The following MTSS1 variants were observed in gnomAD, a reference collection of about 807,000 sequenced individuals.
The protein encoded by MTSS1 is protein MTSS 1.
MTSS1 carries 18 observed loss-of-function variants against 79.0 expected under a neutral mutation model. The ratio of observed to expected loss-of-function variants is 0.23; its 90% CI spans 0.16 to 0.34. The LOEUF is 0.34. Ranked by LOEUF, MTSS1 falls within the 10% of genes least tolerant of loss-of-function variation. The pLI is 1.00. For missense variants in MTSS1, 815 were observed against 986.2 expected, an observed-to-expected ratio of 0.83 and a Z score of 2.33; for synonymous variants, 341 against 368.6, an observed-to-expected ratio of 0.93 and a Z score of 0.86.
At chr8:124,632,348 T>C (rs1587444917) in intron 3 of MTSS1, among the ~76,000 whole-genome samples, 1 of 143,232 alleles carries the variant, frequency 7.0e-6, no homozygotes, top group Admixed American at 6.9e-5. Flanking sequence ...CATACATAGG[T>C]CAGTAAAAAA....
At position 124,720,364 on chromosome 8, in the gene MTSS1, A is replaced by G. The variant is rs114306735; in HGVS notation, c.72+7520T>C. On this transcript the variant is annotated intron_variant, in intron 1 of 13. Coordinates refer to ENST00000518547, the MANE Select transcript of MTSS1 (RefSeq NM_014751.6). ...ACCCAGATGTGGCCAAGACTTGGGA[A>G]GCTGCTGCCACAGGGCAGACTAGAG... is the stretch of plus-strand genomic sequence containing the variant. Among the ~76,000 whole-genome samples the G allele has an allele frequency of 9.2e-3, 1,394 of 152,328 alleles. 18 individuals carry two copies. The highest frequency in any genetic ancestry group is 0.031 in the African/African-American group (1,300 of 41,564).
At chr8:124,676,168 T>C (rs1386640115) in intron 3 of MTSS1, among the ~76,000 whole-genome samples, 35 of 152,228 alleles carry the variant, frequency 2.3e-4, no homozygotes. Context: ...AAAAAGGTAT[T>C]GATTAATAAT....
intron 3 of MTSS1, among the ~76,000 whole-genome samples, chr8:124,639,716 G>A (rs529355257): frequency 9.1e-4 from 139 of 152,132 alleles, no homozygotes; most frequent in Non-Finnish European, 1.3e-4. Flanking sequence ...TGCCTGCTTC[G>A]ACCTCCCAAA....
chr8:124,639,280 G>A (rs1473282729), intron 3 of MTSS1, among the ~76,000 whole-genome samples: 2 of 152,200 alleles, frequency 1.3e-5, no homozygotes, highest in Non-Finnish European at 2.9e-5. Context: ...AGAGGTTGCA[G>A]TGAGCCAAGA....
At chr8:124,659,178 T>C (rs1821538832) in intron 3 of MTSS1, among the ~76,000 whole-genome samples, 1 of 152,142 alleles carries the variant, frequency 6.6e-6, no homozygotes, top group Non-Finnish European at 1.5e-5. Context: ...TTCGATGAAA[T>C]GAATAATGCA....
intron 3 of MTSS1, among the ~76,000 whole-genome samples, chr8:124,614,108 G>A (rs1285723446): frequency 1.4e-5 from 2 of 145,310 alleles, no homozygotes; most frequent in Non-Finnish European, 3.0e-5. Flanking sequence ...AGGCTGTAAT[G>A]AGCCATGATC....
At chr8:124,618,079 C>T (rs1213042425) in intron 3 of MTSS1, among the ~76,000 whole-genome samples, 2 of 152,178 alleles carry the variant, frequency 1.3e-5, no homozygotes, top group Non-Finnish European at 2.9e-5. Flanking sequence ...CCTATAATAA[C>T]ATTCTCAAGA....
chr8:124,605,968 T>C (rs1834772757), intron 3 of MTSS1, among the ~76,000 whole-genome samples: 1 of 132,108 alleles, frequency 7.6e-6, no homozygotes, highest in South Asian at 2.5e-4. Context: ...ATCTCATTTT[T>C]TTTTTTTTTT....
intron 1 of MTSS1, among the ~76,000 whole-genome samples, chr8:124,724,487 C>G (rs1588011771): frequency 6.6e-6 from 1 of 152,168 alleles, no homozygotes; most frequent in Non-Finnish European, 1.5e-5. Flanking sequence ...TACTCCTAAC[C>G]TCGTACAAAG....
intron 3 of MTSS1, among the ~76,000 whole-genome samples, chr8:124,607,484 A>G (rs761535385): frequency 6.6e-6 from 1 of 152,224 alleles, no homozygotes; most frequent in Non-Finnish European, 1.5e-5. Flanking sequence ...GTTTTTAAAA[A>G]AGGAATTGAA....
intron 2 of MTSS1, among the ~76,000 whole-genome samples, chr8:124,703,294 A>T (rs1230823689): frequency 6.6e-6 from 1 of 152,016 alleles, no homozygotes; most frequent in African/African-American, 2.4e-5. Flanking sequence ...TTATTTTATT[A>T]TTATTATTTT....
In MTSS1 at chr8:124,711,104, A is replaced by G. The variant is rs546031837; in HGVS notation, c.73-6913T>C. Among the ~76,000 whole-genome samples the G allele has an allele frequency of 5.3e-5, 8 of 152,280 alleles. No individual in the cohort carries two copies. The South Asian group carries it at 1.5e-3, about 28-fold the overall frequency. On this transcript the variant is annotated intron_variant, in intron 1 of 13. Coordinates refer to ENST00000518547, the MANE Select transcript of MTSS1 (RefSeq NM_014751.6). ...CTTGACAAGCATCACTGTCATCACC[A>G]TCATCATGAAGCATCACCACTTTCT...
chr8:124,605,646 C>T (rs924073422), intron 3 of MTSS1, among the ~76,000 whole-genome samples: 3 of 133,088 alleles, frequency 2.3e-5, no homozygotes, highest in South Asian at 2.6e-4. Context: ...GCTGGGCTCC[C>T]GTTGGAGATC....
intron 3 of MTSS1, among the ~76,000 whole-genome samples, chr8:124,675,635 C>T (rs1437083792): frequency 6.6e-6 from 1 of 152,166 alleles, no homozygotes; most frequent in Non-Finnish European, 1.5e-5. Context: ...ACCCCCATGG[C>T]CACTAAGCAG....
chr8:124,718,588 CAA>C (rs1468567032), intron 1 of MTSS1, among the ~76,000 whole-genome samples: 6 of 152,286 alleles, frequency 3.9e-5, no homozygotes, highest in Admixed American at 2.6e-4. Flanking sequence ...AAACCAAACT[CAA>C]AGACTTCCTT....
chr8:124,571,189 T>A (rs1253441255), intron 6 of MTSS1, among the ~76,000 whole-genome samples: 1 of 152,244 alleles, frequency 6.6e-6, no homozygotes, highest in African/African-American at 2.4e-5. Context: ...TCTCCTGGAA[T>A]CTGCCTCAGG....
Position 124,704,294 on chromosome 8 carries a change from T to C in MTSS1, c.73-103A>G, listed in dbSNP as rs147188470. The C allele has an allele frequency of 3.7e-4, 371 of 1,011,284 alleles. 2 individuals carry two copies. Among genetic ancestry groups the C allele is most frequent in the Admixed American group, 8.7e-4 (51 of 58,534 alleles). The allele number at this position is 1,011,284 out of a possible 1,614,324, so 62.6% of individuals were successfully genotyped here. On this transcript the variant is annotated intron_variant, in intron 1 of 13. Coordinates refer to ENST00000518547, the MANE Select transcript of MTSS1 (RefSeq NM_014751.6). ...AATCATGCAGGGAACAATCTGTGTATGTTCTCTTCCTTTGCAGGTCTGCAA... is the reference window on the plus strand; with the variant it reads ...AATCATGCAGGGAACAATCTGTGTACGTTCTCTTCCTTTGCAGGTCTGCAA...
At chr8:124,665,782 A>G (rs60433627) in intron 3 of MTSS1, among the ~76,000 whole-genome samples, 3,796 of 151,044 alleles carry the variant, frequency 0.025, 162 homozygotes, top group African/African-American at 0.087. Flanking sequence ...CAGGAGAATC[A>G]CTTGAACCCC....
Position 124,553,378 on chromosome 8 carries a change from C to T in MTSS1, c.1882G>A (p.Gly628Arg). 6.2e-7 allele frequency: 1 copy of T among 1,610,516 alleles called. No individual in the cohort carries two copies. ...VKTPTVPDLPGVLPAPPDGPE... is the reference protein window; with the variant it reads ...VKTPTVPDLPRVLPAPPDGPE... ...CCATCTGGAGGGGCTGGCAACACCC[C>T]TGGGAGGTCTGGGACGGTTGGGGTC... The change falls in exon 14 of 14, where the codon GGG (glycine) becomes AGG (arginine). Residue 628 changes from glycine (G) to arginine (R), a missense_variant. Physicochemically the swap from Gly to Arg is moderately radical, Grantham distance 125. Transcript: ENST00000518547. This position sits in a 1 kb window ranked among gnomAD's most constrained non-coding sequence, Gnocchi z 6.0.
Sources: allele counts gnomAD v4.1 joint callset (sites outside exome capture counted in the v4.1 genomes callset), GRCh38; gene constraint gnomAD v4.1.1; non-coding constraint Gnocchi (gnomAD v3.1); transcripts MANE v1.5; gene names NCBI Gene and HGNC (gene_info 2026-07-23, HGNC 2026-07-21).